The following GPAT4 variants were observed in gnomAD, a reference collection of about 807,000 sequenced individuals.
The protein encoded by GPAT4 is 1-AGP acyltransferase 6.
GPAT4 carries 17 observed loss-of-function variants against 58.0 expected under a neutral mutation model. That is an observed-to-expected ratio of 0.29 (90% CI 0.20 to 0.44). The LOEUF (loss-of-function observed/expected upper bound fraction) is 0.44, where lower values mean the gene tolerates loss of function less well. Ranked by LOEUF, GPAT4 falls within the 20% of genes least tolerant of loss-of-function variation. The pLI, the probability that GPAT4 is intolerant of heterozygous loss-of-function variation, is 1.00. For synonymous variants in GPAT4, 204 were observed against 210.1 expected (o/e 0.97, Z 0.25); for missense variants, 377 against 574.5 (o/e 0.66, Z 3.51).
At chr8:41,578,819 C>G (rs1802434301) in intron 1 of GPAT4, among the ~76,000 whole-genome samples, 1 of 152,218 alleles carries the variant, frequency 6.6e-6, no homozygotes, top group African/African-American at 2.4e-5. Flanking sequence ...CTGAGGCATC[C>G]TTCTCCCAGT....
At chr8:41,610,914 G>A in intron 5 of GPAT4, 104 bp downstream of exon 5, 1 of 1,236,456 alleles carries the variant, frequency 8.1e-7, no homozygotes, top group Non-Finnish European at 1.1e-6. Flanking sequence ...CAAAGCCATG[G>A]AATCTTAGAT....
At chr8:41,590,394 C>T (rs1027154990) in intron 1 of GPAT4, among the ~76,000 whole-genome samples, 1 of 152,214 alleles carries the variant, frequency 6.6e-6, no homozygotes, top group Non-Finnish European at 1.5e-5. Flanking sequence ...AGTGCTACTT[C>T]ATTTTAAAGC....
intron 2 of GPAT4, among the ~76,000 whole-genome samples, chr8:41,601,446 T>G (rs1430393054): frequency 6.6e-6 from 1 of 152,202 alleles, no homozygotes; most frequent in African/African-American, 2.4e-5. Context: ...ATGGTATAAC[T>G]TACACCTGGG....
intron 2 of GPAT4, among the ~76,000 whole-genome samples, chr8:41,608,479 C>G (rs1488713249): frequency 1.3e-5 from 2 of 152,224 alleles, no homozygotes; most frequent in Admixed American, 6.5e-5. Flanking sequence ...ATAAGTGCAC[C>G]CATGTTTTCA....
intron 10 of GPAT4, among the ~76,000 whole-genome samples, chr8:41,616,530 A>G (rs755972244): frequency 5.5e-4 from 84 of 152,272 alleles, no homozygotes; most frequent in Admixed American, 4.6e-4. Context: ...CCTGGACTCA[A>G]GTGATCCGCC....
At chr8:41,616,717 G>A (rs891618821) in intron 10 of GPAT4, among the ~76,000 whole-genome samples, 1 of 152,074 alleles carries the variant, frequency 6.6e-6, no homozygotes, top group Non-Finnish European at 1.5e-5. Flanking sequence ...ACCCTGAGGA[G>A]TTTCCGCTCC....
At chr8:41,587,881 A>G (rs909718752) in intron 1 of GPAT4, among the ~76,000 whole-genome samples, 3 of 152,196 alleles carry the variant, frequency 2.0e-5, no homozygotes, top group East Asian at 1.9e-4. Context: ...TTACACTCCA[A>G]CCAGCAGTAT....
chr8:41,590,141 T>TA (rs1347659550), intron 1 of GPAT4, among the ~76,000 whole-genome samples: 1 of 151,796 alleles, frequency 6.6e-6, no homozygotes, highest in African/African-American at 2.4e-5. Flanking sequence ...TTTTTTTTTT[T>TA]AAAGAGTCCC....
At chr8:41,599,343 G>A in intron 2 of GPAT4, 39 bp downstream of exon 2, 1 of 1,600,278 alleles carries the variant, frequency 6.2e-7, no homozygotes, top group Non-Finnish European at 8.5e-7. Context: ...TCACAGAGGA[G>A]GGTAGAAGTG....
intron 1 of GPAT4, among the ~76,000 whole-genome samples, chr8:41,585,381 TCCGTA>T (rs56965744): frequency 0.054 from 8,252 of 152,206 alleles, 282 homozygotes; most frequent in African/African-American, 0.086. Flanking sequence ...TACCAGCCAT[TCCGTA>T]ACTTGTCCCC....
In GPAT4 at chr8:41,621,220, G is replaced by A. The variant is rs543346214; in HGVS notation, c.*219G>A. 142 of 604,074 alleles carry A rather than the reference G, an allele frequency of 2.4e-4. No individual in the cohort carries two copies. The highest frequency in any genetic ancestry group is 4.6e-4 in the East Asian group (16 of 34,938). 37.4% of individuals were successfully genotyped at this position (604,074 alleles called of 1,614,324 possible). A position where few individuals can be genotyped will look rare whatever the true frequency, so the allele number is the denominator to read the frequency against. ...CTAAACGGATGCTGCTGGGTGTTGCGACCCAGGACGAGATGCCTTGTTTCT... is the reference window on the plus strand; with the variant it reads ...CTAAACGGATGCTGCTGGGTGTTGCAACCCAGGACGAGATGCCTTGTTTCT... On this transcript the variant is annotated 3_prime_UTR_variant, in exon 13 of 13. Coordinates refer to ENST00000396987, the MANE Select transcript of GPAT4 (RefSeq NM_178819.4).
intron 10 of GPAT4, among the ~76,000 whole-genome samples, chr8:41,617,097 C>CA (rs1233423260): frequency 3.7e-4 from 56 of 152,346 alleles, no homozygotes; most frequent in African/African-American, 1.2e-3. Flanking sequence ...TGCAGTGGTT[C>CA]ACGCCTGTAA....
intron 1 of GPAT4, among the ~76,000 whole-genome samples, chr8:41,590,302 G>C (rs1330180268): frequency 1.3e-5 from 2 of 152,288 alleles, no homozygotes; most frequent in African/African-American, 4.8e-5. Context: ...GGCCCGGCTG[G>C]TCTCAAACTC....
intron 1 of GPAT4, among the ~76,000 whole-genome samples, chr8:41,590,020 G>A (rs747386087): frequency 1.2e-4 from 19 of 152,208 alleles, no homozygotes; most frequent in Non-Finnish European, 2.4e-4. Context: ...ACAAGAGCGT[G>A]TCTGTATCTT....
chr8:41,605,647 T>TCACTC (rs1803241708), intron 2 of GPAT4, among the ~76,000 whole-genome samples: 1 of 152,184 alleles, frequency 6.6e-6, no homozygotes, highest in African/African-American at 2.4e-5. Flanking sequence ...CAATCTTGGC[T>TCACTC]CACTGCAACC....
At position 41,586,799 on chromosome 8, in the gene GPAT4, C is replaced by T. The variant is rs183891507; in HGVS notation, c.-849+8521C>T. Among the ~76,000 whole-genome samples, 696 of 152,310 alleles carry T rather than the reference C, an allele frequency of 4.6e-3. 2 individuals carry two copies. The highest frequency in any genetic ancestry group is 7.5e-3 in the Non-Finnish European group (511 of 68,016). ...ATAATTTGTGCTCAGAGATGGTTGTCTTCTCAGTTTCAGTTGTCCTTTCTC... is the reference window on the plus strand; with the variant it reads ...ATAATTTGTGCTCAGAGATGGTTGTTTTCTCAGTTTCAGTTGTCCTTTCTC... On this transcript the variant is annotated intron_variant, in intron 1 of 12. Coordinates refer to ENST00000396987, the MANE Select transcript of GPAT4 (RefSeq NM_178819.4).
At position 41,582,688 on chromosome 8, in the gene GPAT4, T is replaced by TGTGTGTGG. The variant is rs1554500391; in HGVS notation, c.-849+4415_-849+4422dup. On this transcript the variant is annotated intron_variant, in intron 1 of 12. Coordinates refer to ENST00000396987, the MANE Select transcript of GPAT4 (RefSeq NM_178819.4). The stretch of plus-strand genomic sequence containing the variant: ...GAGAGAGAGAGAGTGTGTGTGTGTG[T>TGTGTGTGG]GTGTGTGGGTGTATCTCAAAACATC... Among the ~76,000 whole-genome samples, 55 of 151,480 alleles carry TGTGTGTGG rather than the reference T, an allele frequency of 3.6e-4. 1 individual carries two copies. Among genetic ancestry groups the TGTGTGTGG allele is most frequent in the East Asian group, 3.9e-4 (2 of 5,130 alleles).
Position 41,609,454 on chromosome 8 carries a change from G to C in GPAT4, c.204G>C (p.Lys68Asn), listed in dbSNP as rs1803375901. ...GAATGGAGCGAGGAGCCAAGGAGAA[G>C]AACCACCAGCTTTACAAGCCCTACA... is the stretch of plus-strand genomic sequence containing the variant. ...TLRMERGAKE[K>N]NHQLYKPYTN... The change falls in exon 3 of 13, where the codon AAG (lysine) becomes AAC (asparagine). Residue 68 changes from lysine to asparagine, a missense_variant. Physicochemically the swap from Lys to Asn is moderately conservative, Grantham distance 94. Coordinates refer to ENST00000396987, the MANE Select transcript of GPAT4 (RefSeq NM_178819.4). The C allele has an allele frequency of 6.2e-7, 1 of 1,614,132 alleles. No individual in the cohort carries two copies. The highest frequency in any genetic ancestry group is 1.3e-5 in the African/African-American group (1 of 75,016).
At chr8:41,605,100 AC>A (rs1803222493) in intron 2 of GPAT4, among the ~76,000 whole-genome samples, 1 of 152,156 alleles carries the variant, frequency 6.6e-6, no homozygotes, top group Non-Finnish European at 1.5e-5. Flanking sequence ...CCATAAGGAG[AC>A]CTTGATGGAG....
Sources: gnomAD v4.1 joint callset for allele counts (sites outside exome capture counted in the v4.1 genomes callset) on GRCh38, gnomAD v4.1.1 for gene constraint, MANE v1.5 for transcripts, NCBI Gene and HGNC (gene_info 2026-07-23, HGNC 2026-07-21) for gene names.